The following VEPH1 variants were observed in gnomAD, a reference collection of about 807,000 sequenced individuals.
The protein encoded by VEPH1 is ventricular zone-expressed PH domain-containing protein homolog 1.
A neutral mutation model predicts 85.2 loss-of-function variants in VEPH1; 80 were observed. That is an observed-to-expected ratio of 0.94 (90% CI 0.78 to 1.13). The LOEUF is 1.13. Among genes scored for constraint, VEPH1 ranks in the 50% most tolerant of loss-of-function variants. The probability of loss-of-function intolerance (pLI) is 0.00; values close to 1 mark genes in which losing one functional copy is unlikely to be tolerated. For missense variants in VEPH1, 955 were observed against 980.5 expected, an observed-to-expected ratio of 0.97 and a Z score of 0.35; for synonymous variants, 297 against 348.0, an observed-to-expected ratio of 0.85 and a Z score of 1.63.
intron 9 of VEPH1, among the ~76,000 whole-genome samples, chr3:157,342,214 A>G (rs2108653249): frequency 6.6e-6 from 1 of 152,360 alleles, no homozygotes; most frequent in East Asian, 1.9e-4. Context: ...TGTTCCAATT[A>G]AAAGACACAG....
chr3:157,342,412 G>T (rs1425844737), intron 9 of VEPH1, among the ~76,000 whole-genome samples: 1 of 152,042 alleles, frequency 6.6e-6, no homozygotes, highest in Non-Finnish European at 1.5e-5. Flanking sequence ...AACCAACAAA[G>T]ATCAAAAGAG....
chr3:157,373,100 C>T (rs1352174940), intron 7 of VEPH1, among the ~76,000 whole-genome samples: 2 of 152,062 alleles, frequency 1.3e-5, no homozygotes, highest in African/African-American at 4.8e-5. Context: ...GGAGGCTGAC[C>T]CTATTAGTAA....
chr3:157,365,175 C>T (rs1726498618), intron 7 of VEPH1, among the ~76,000 whole-genome samples: 1 of 152,192 alleles, frequency 6.6e-6, no homozygotes, highest in Non-Finnish European at 1.5e-5. Flanking sequence ...AGTGCCTTAG[C>T]TAGAATAAGC....
chr3:157,429,942 G>C (rs1363106468), intron 4 of VEPH1, among the ~76,000 whole-genome samples: 1 of 152,130 alleles, frequency 6.6e-6, no homozygotes. Flanking sequence ...AAAAACCCCA[G>C]ATTAGTCATT....
chr3:157,449,808 G>C (rs1010822044), intron 4 of VEPH1, among the ~76,000 whole-genome samples: 5 of 151,888 alleles, frequency 3.3e-5, no homozygotes, highest in Non-Finnish European at 7.4e-5. Context: ...TGAACACGGT[G>C]TATTTCTCCA....
chr3:157,397,737 T>C (rs558872399), intron 6 of VEPH1, among the ~76,000 whole-genome samples: 1 of 152,204 alleles, frequency 6.6e-6, no homozygotes, highest in East Asian at 1.9e-4. Context: ...TTGTTCTGTG[T>C]CATCAATTTT....
At chr3:157,328,122 T>G (rs1722127763) in intron 9 of VEPH1, among the ~76,000 whole-genome samples, 1 of 152,188 alleles carries the variant, frequency 6.6e-6, no homozygotes, top group African/African-American at 2.4e-5. Context: ...GCCATCCCGA[T>G]TTGCCTGAGA....
At chr3:157,473,486 T>C (rs1040384020) in intron 2 of VEPH1, among the ~76,000 whole-genome samples, 8 of 152,106 alleles carry the variant, frequency 5.3e-5, no homozygotes, top group Non-Finnish European at 8.8e-5. Flanking sequence ...GCAGCCTTTC[T>C]GAGATCTATA....
intron 12 of VEPH1, among the ~76,000 whole-genome samples, chr3:157,269,362 G>A (rs1714186302): frequency 6.6e-6 from 1 of 152,176 alleles, no homozygotes; most frequent in African/African-American, 2.4e-5. Flanking sequence ...GACAAGCTGG[G>A]AAGCAAAGAC....
chr3:157,310,346 C>T (rs1306059831), intron 11 of VEPH1, among the ~76,000 whole-genome samples: 1 of 152,190 alleles, frequency 6.6e-6, no homozygotes, highest in Admixed American at 6.5e-5. Flanking sequence ...TGTGTGGCCA[C>T]TGTTCTGAGA....
chr3:157,343,115 G>C (rs1723776190), intron 9 of VEPH1, among the ~76,000 whole-genome samples: 1 of 152,128 alleles, frequency 6.6e-6, no homozygotes, highest in Non-Finnish European at 1.5e-5. Context: ...ACAATTAAAA[G>C]AACTAGAGAA....
intron 12 of VEPH1, among the ~76,000 whole-genome samples, chr3:157,279,134 G>A (rs1168376523): frequency 1.3e-5 from 2 of 152,174 alleles, no homozygotes; most frequent in African/African-American, 4.8e-5. Context: ...CGCATATATA[G>A]ATCTGGAAGT....
intron 4 of VEPH1, among the ~76,000 whole-genome samples, chr3:157,439,347 A>G (rs1192686418): frequency 6.6e-6 from 1 of 152,196 alleles, no homozygotes; most frequent in Non-Finnish European, 1.5e-5. Flanking sequence ...ATCCAATAAT[A>G]CTTTTACCCA....
intron 4 of VEPH1, 30 bp downstream of exon 4, chr3:157,460,151 A>G: frequency 6.2e-7 from 1 of 1,614,154 alleles, no homozygotes; most frequent in Non-Finnish European, 8.5e-7. Flanking sequence ...CTCCCAAAAC[A>G]TGTCCCCAAG....
In VEPH1 at chr3:157,364,425, G is replaced by A. The variant is rs775222817; in HGVS notation, c.1215C>T (p.Leu405=). ...IVTENEDHEK[L]QVKIQAFEDK... ...CTTCAAAAGCCTGGATTTTAACTTG[G>A]AGTTTTTCATGGTCTTCATTTTCAG... Residue 405 remains leucine (L), a synonymous_variant, in exon 8 of 14, where the codon CTC becomes CTT. Coordinates refer to ENST00000362010, the MANE Select transcript of VEPH1 (RefSeq NM_001167912.2). 1 of 1,613,946 alleles carries A rather than the reference G, an allele frequency of 6.2e-7. No homozygotes were observed. Among genetic ancestry groups the A allele is most frequent in the South Asian group, 1.1e-5 (1 of 91,062 alleles).
intron 6 of VEPH1, among the ~76,000 whole-genome samples, chr3:157,387,018 G>A (rs886409677): frequency 2.6e-5 from 4 of 152,208 alleles, no homozygotes; most frequent in Non-Finnish European, 5.9e-5. Context: ...TAAAGGAACA[G>A]ACAGTAAATA....
At chr3:157,423,478 G>T (rs1732511699) in intron 5 of VEPH1, among the ~76,000 whole-genome samples, 2 of 152,202 alleles carry the variant, frequency 1.3e-5, no homozygotes, top group East Asian at 1.9e-4. Flanking sequence ...GGTCATCCTT[G>T]TTGGTCTCAT....
intron 6 of VEPH1, among the ~76,000 whole-genome samples, chr3:157,407,799 T>G (rs180733441): frequency 1.5e-3 from 225 of 152,300 alleles, no homozygotes; most frequent in Non-Finnish European, 2.8e-3. Context: ...GTGCTGGCAT[T>G]TATCAAATGT....
chr3:157,382,453 T>G (rs1294891567), intron 6 of VEPH1, among the ~76,000 whole-genome samples: 1 of 152,218 alleles, frequency 6.6e-6, no homozygotes, highest in Non-Finnish European at 1.5e-5. Context: ...AAAAGGTTAT[T>G]TGAAATGTAG....
Sources: allele counts gnomAD v4.1 joint callset (sites outside exome capture counted in the v4.1 genomes callset), GRCh38; gene constraint gnomAD v4.1.1; transcripts MANE v1.5; gene names NCBI Gene and HGNC (gene_info 2026-07-23, HGNC 2026-07-21).